Variants in DMRT1 observed in about 807,000 individuals in gnomAD.
The protein encoded by DMRT1 is doublesex- and mab-3-related transcription factor 1.
Under a neutral mutation model 32.3 loss-of-function variants are expected in DMRT1, and 7 were observed. The ratio of observed to expected loss-of-function variants is 0.22; its 90% CI spans 0.12 to 0.41. The LOEUF (loss-of-function observed/expected upper bound fraction) is 0.41, where lower values mean the gene tolerates loss of function less well. DMRT1 is among the 10% of genes least tolerant of loss of function. The pLI is 1.00. For synonymous variants in DMRT1, 278 were observed against 206.1 expected, an observed-to-expected ratio of 1.35 and a Z score of -2.99; for missense variants, 625 against 500.5, an observed-to-expected ratio of 1.25 and a Z score of -2.37.
intron 4 of DMRT1, among the ~76,000 whole-genome samples, chr9:942,371 T>A (rs1819103688): frequency 6.6e-6 from 1 of 152,194 alleles, no homozygotes; most frequent in African/African-American, 2.4e-5. Context: ...CCTCGCAGGT[T>A]TAGTTCATCC....
chr9:888,067 T>C (rs1817000252), intron 2 of DMRT1, among the ~76,000 whole-genome samples: 1 of 152,210 alleles, frequency 6.6e-6, no homozygotes, highest in Non-Finnish European at 1.5e-5. Context: ...TCTGCAATGT[T>C]TTGTATCTAA....
intron 2 of DMRT1, among the ~76,000 whole-genome samples, chr9:856,004 C>T (rs943400825): frequency 7.2e-5 from 11 of 152,036 alleles, no homozygotes; most frequent in Admixed American, 2.6e-4. Context: ...GCAACCTCTG[C>T]CTCCCAGGTT....
intron 4 of DMRT1, among the ~76,000 whole-genome samples, chr9:966,987 G>A (rs1403340207): frequency 6.6e-6 from 1 of 152,202 alleles, no homozygotes; most frequent in Non-Finnish European, 1.5e-5. Flanking sequence ...TGTACAAGAA[G>A]CCGTGGCAGA....
chr9:880,474 C>G (rs923296379), intron 2 of DMRT1, among the ~76,000 whole-genome samples: 1 of 151,760 alleles, frequency 6.6e-6, no homozygotes, highest in Non-Finnish European at 1.5e-5. Flanking sequence ...CACCTGTAAT[C>G]CCAGCACTTT....
At chr9:957,750 C>T (rs1043834648) in intron 4 of DMRT1, among the ~76,000 whole-genome samples, 1 of 152,232 alleles carries the variant, frequency 6.6e-6, no homozygotes, top group Admixed American at 6.5e-5. Flanking sequence ...TGGCTCGCGC[C>T]TGTAATCCCA....
chr9:846,707 A>T (rs557340464), intron 1 of DMRT1, among the ~76,000 whole-genome samples: 1 of 152,144 alleles, frequency 6.6e-6, no homozygotes, highest in Non-Finnish European at 1.5e-5. Context: ...CAAGCTCTTG[A>T]GTAGCTGGGA....
intron 4 of DMRT1, among the ~76,000 whole-genome samples, chr9:935,847 G>A (rs1818868871): frequency 1.3e-5 from 2 of 152,224 alleles, no homozygotes; most frequent in South Asian, 4.1e-4. Context: ...AATGGAGGCA[G>A]ATGATTTGTT....
chr9:925,326 A>G (rs1364789020), intron 4 of DMRT1, among the ~76,000 whole-genome samples: 1 of 152,220 alleles, frequency 6.6e-6, no homozygotes, highest in African/African-American at 2.4e-5. Flanking sequence ...TCAGACACCA[A>G]CAAACATGGG....
At chr9:856,028 T>C (rs951212882) in intron 2 of DMRT1, among the ~76,000 whole-genome samples, 1 of 152,174 alleles carries the variant, frequency 6.6e-6, no homozygotes, top group African/African-American at 2.4e-5. Context: ...GCGATTCTCC[T>C]GCTTCAGCCT....
intron 4 of DMRT1, among the ~76,000 whole-genome samples, chr9:919,133 C>T (rs974249319): frequency 2.6e-5 from 4 of 152,098 alleles, no homozygotes; most frequent in African/African-American, 7.2e-5. Flanking sequence ...TGTGGCAGAT[C>T]CGTCAAGTCT....
chr9:925,055 A>G (rs1048448167), intron 4 of DMRT1, among the ~76,000 whole-genome samples: 1 of 152,174 alleles, frequency 6.6e-6, no homozygotes, highest in Non-Finnish European at 1.5e-5. Context: ...CCAGGGGCCT[A>G]CCTCAGGGAG....
chr9:960,650 C>T (rs879626360), intron 4 of DMRT1, among the ~76,000 whole-genome samples: 9 of 152,218 alleles, frequency 5.9e-5, no homozygotes, highest in Non-Finnish European at 1.0e-4. Context: ...AATTCTCAGA[C>T]GGTGGCTGCT....
At chr9:924,538 T>C (rs1248497885) in intron 4 of DMRT1, among the ~76,000 whole-genome samples, 1 of 152,206 alleles carries the variant, frequency 6.6e-6, no homozygotes, top group Non-Finnish European at 1.5e-5. Flanking sequence ...TTATGTATCT[T>C]TCTGTTTTGG....
In DMRT1 at chr9:848,714, C is replaced by T. The variant is rs182889460; in HGVS notation, c.538+1571C>T. 7.0e-4 allele frequency among the ~76,000 whole-genome samples: 104 copies of T among 149,638 alleles called. 1 individual carries two copies. Among genetic ancestry groups the T allele is most frequent in the African/African-American group, 2.4e-3 (100 of 40,930 alleles). Reference sequence around the variant, plus strand: ...GACTACAGGCGCCCGCCACCACACCCGACTAATTTTTGTATTTTTTAGTAA... The same window carrying T: ...GACTACAGGCGCCCGCCACCACACCTGACTAATTTTTGTATTTTTTAGTAA... On this transcript the variant is annotated intron_variant, in intron 2 of 4. Coordinates refer to ENST00000382276, the MANE Select transcript of DMRT1 (RefSeq NM_021951.3).
intron 4 of DMRT1, among the ~76,000 whole-genome samples, chr9:961,642 C>T (rs903393006): frequency 6.6e-6 from 1 of 152,168 alleles, no homozygotes; most frequent in African/African-American, 2.4e-5. Context: ...GTTGTTTTGC[C>T]TCTTGGATGT....
intron 2 of DMRT1, among the ~76,000 whole-genome samples, chr9:865,827 C>T (rs1025966075): frequency 1.3e-5 from 2 of 152,052 alleles, no homozygotes; most frequent in African/African-American, 2.4e-5. Flanking sequence ...TTGTTGACTT[C>T]GCTGATAGAT....
intron 1 of DMRT1, 38 bp downstream of exon 1, chr9:842,230 GT>G (rs780064237): frequency 0.08 from 97,436 of 1,224,052 alleles, 17 homozygotes; most frequent in East Asian, 0.12. Context: ...TTCAGCCTTA[GT>G]TTTTTTTTTT....
chr9:963,599 A>G (rs1819843819), intron 4 of DMRT1, among the ~76,000 whole-genome samples: 1 of 152,202 alleles, frequency 6.6e-6, no homozygotes, highest in Non-Finnish European at 1.5e-5. Flanking sequence ...ATCTCCATTC[A>G]TATCTTTACC....
intron 2 of DMRT1, among the ~76,000 whole-genome samples, chr9:891,312 A>G (rs1272976366): frequency 6.6e-6 from 1 of 151,956 alleles, no homozygotes; most frequent in African/African-American, 2.4e-5. Flanking sequence ...TCAGCCAGGC[A>G]TGGTGGCTTG....
Sources: allele counts gnomAD v4.1 joint callset (sites outside exome capture counted in the v4.1 genomes callset), GRCh38; gene constraint gnomAD v4.1.1; transcripts MANE v1.5; gene names NCBI Gene and HGNC (gene_info 2026-07-23, HGNC 2026-07-21).